Variants in CACNG4 observed in about 807,000 individuals in gnomAD.
CACNG4 encodes calcium voltage-gated channel auxiliary subunit gamma 4.
In CACNG4, 8 loss-of-function variants were observed where a neutral mutation model predicts 22.9. The ratio of observed to expected loss-of-function variants is 0.35; its 90% CI spans 0.21 to 0.63. The LOEUF (loss-of-function observed/expected upper bound fraction) is 0.63, where lower values mean the gene tolerates loss of function less well. Among genes scored for constraint, CACNG4 ranks in the 30% least tolerant of loss-of-function variants. CACNG4 has a pLI of 0.72. For missense variants in CACNG4, 357 were observed against 455.4 expected (o/e 0.78, Z 1.97); for synonymous variants, 188 against 191.9 (o/e 0.98, Z 0.17).
At chr17:67,009,049 G>T (rs2035453272) in intron 1 of CACNG4, among the ~76,000 whole-genome samples, 1 of 152,136 alleles carries the variant, frequency 6.6e-6, no homozygotes, top group Admixed American at 6.5e-5. Flanking sequence ...CACACAGAGA[G>T]AATATGATAT....
At chr17:67,022,151 C>A (rs545760898) in intron 2 of CACNG4, among the ~76,000 whole-genome samples, 1 of 151,598 alleles carries the variant, frequency 6.6e-6, no homozygotes, top group Non-Finnish European at 1.5e-5. Context: ...TCTTGGCTCA[C>A]TGTAACCTCT....
intron 1 of CACNG4, among the ~76,000 whole-genome samples, chr17:66,996,633 G>A (rs1461205444): frequency 1.3e-5 from 2 of 152,044 alleles, no homozygotes; most frequent in South Asian, 2.1e-4. Flanking sequence ...TGCCTGCCTC[G>A]GCCTCCCAAA....
intron 1 of CACNG4, among the ~76,000 whole-genome samples, chr17:67,003,527 A>T (rs2035420568): frequency 1.3e-5 from 2 of 152,190 alleles, no homozygotes; most frequent in African/African-American, 4.8e-5. Context: ...AGTTCTGTGC[A>T]GGACATTTAT....
chr17:67,029,771 G>C (rs1380346313), intron 3 of CACNG4, among the ~76,000 whole-genome samples: 1 of 152,240 alleles, frequency 6.6e-6, no homozygotes. Flanking sequence ...TGGATGAGGA[G>C]TATATGAAAC....
intron 1 of CACNG4, among the ~76,000 whole-genome samples, chr17:67,010,489 T>C (rs1001553350): frequency 4.6e-5 from 7 of 152,198 alleles, no homozygotes; most frequent in African/African-American, 1.7e-4. Flanking sequence ...ACAAAGGGTG[T>C]TAGCCTGTCT....
intron 1 of CACNG4, among the ~76,000 whole-genome samples, chr17:67,012,782 T>TGGTC (rs1268873351): frequency 6.6e-6 from 1 of 152,138 alleles, no homozygotes; most frequent in Non-Finnish European, 1.5e-5. Context: ...TGCACAGAGC[T>TGGTC]GGTCGCTCGC....
chr17:67,002,618 T>TCTCTCTCTCTCTC (rs2035414760), intron 1 of CACNG4, among the ~76,000 whole-genome samples: 1 of 145,428 alleles, frequency 6.9e-6, no homozygotes, highest in South Asian at 2.2e-4. Context: ...ATCTCTCTCT[T>TCTCTCTCTCTCTC]TCTCTCTCTC....
chr17:66,964,753 C>G lies in CACNG4; in HGVS notation c.-159C>G, dbSNP rs1345193485. Reference sequence around the variant, plus strand: ...TTTGAGCCCCAGCGCTGCCGGAGCGCAGGCACGCCCGGGGCGCGGGGTCGG... The same window carrying G: ...TTTGAGCCCCAGCGCTGCCGGAGCGGAGGCACGCCCGGGGCGCGGGGTCGG... On this transcript the variant is annotated 5_prime_UTR_variant, in exon 1 of 4. Coordinates refer to ENST00000262138, the MANE Select transcript of CACNG4 (RefSeq NM_014405.4). Among the ~76,000 whole-genome samples the G allele has an allele frequency of 1.4e-5, 2 of 145,306 alleles. No individual in the cohort carries two copies. The highest frequency in any genetic ancestry group is 4.9e-5 in the African/African-American group (2 of 40,536).
At chr17:66,978,405 G>A (rs922421563) in intron 1 of CACNG4, among the ~76,000 whole-genome samples, 7 of 152,150 alleles carry the variant, frequency 4.6e-5, no homozygotes, top group African/African-American at 1.7e-4. Context: ...GGGACCCAGA[G>A]TGAAGATGGG....
chr17:67,000,343 C>T (rs1288058053), intron 1 of CACNG4, among the ~76,000 whole-genome samples: 3 of 152,170 alleles, frequency 2.0e-5, no homozygotes, highest in Non-Finnish European at 4.4e-5. Context: ...TGTCCCAGCC[C>T]ACCAAGCCCC....
intron 3 of CACNG4, among the ~76,000 whole-genome samples, chr17:67,026,795 ATG>A (rs2035570633): frequency 6.6e-6 from 1 of 151,634 alleles, no homozygotes; most frequent in Non-Finnish European, 1.5e-5. Context: ...GTGTGTGCAC[ATG>A]TGTGTGTGTT....
intron 1 of CACNG4, among the ~76,000 whole-genome samples, chr17:66,993,239 A>G (rs1303643183): frequency 1.3e-5 from 2 of 152,252 alleles, no homozygotes; most frequent in Non-Finnish European, 2.9e-5. Flanking sequence ...GAGGTTTTCC[A>G]TCATTTATTA....
At chr17:66,982,050 C>T (rs931019889) in intron 1 of CACNG4, among the ~76,000 whole-genome samples, 5 of 152,218 alleles carry the variant, frequency 3.3e-5, no homozygotes, top group Admixed American at 6.5e-5. Flanking sequence ...GGCTCGCTGA[C>T]CTCAAGAATG....
chr17:66,980,899 G>A (rs930871345), intron 1 of CACNG4, among the ~76,000 whole-genome samples: 18 of 152,030 alleles, frequency 1.2e-4, no homozygotes, highest in Admixed American at 1.1e-3. Context: ...GATTACAGGC[G>A]TGAGCCACCG....
At chr17:67,023,803 C>T (rs2035547079) in intron 2 of CACNG4, among the ~76,000 whole-genome samples, 1 of 151,116 alleles carries the variant, frequency 6.6e-6, no homozygotes, top group Non-Finnish European at 1.5e-5. Flanking sequence ...TCTCGAACTC[C>T]TGACCTCAGG....
At chr17:66,986,073 C>G (rs1414545229) in intron 1 of CACNG4, among the ~76,000 whole-genome samples, 1 of 152,232 alleles carries the variant, frequency 6.6e-6, no homozygotes, top group Non-Finnish European at 1.5e-5. Flanking sequence ...CGGCCCTGAG[C>G]CAGCTCCTGG....
In CACNG4 at chr17:67,031,252, T is replaced by C; in HGVS notation, c.*248T>C. 4 of 650,600 alleles carry C rather than the reference T, an allele frequency of 6.1e-6. No homozygotes were observed. The highest frequency in any genetic ancestry group is 1.1e-5 in the Non-Finnish European group (4 of 354,348). The allele number at this position is 650,600 out of a possible 1,614,324, so 40.3% of individuals were successfully genotyped here. On this transcript the variant is annotated 3_prime_UTR_variant, in exon 4 of 4. Coordinates refer to ENST00000262138, the MANE Select transcript of CACNG4 (RefSeq NM_014405.4). This position sits in a 1 kb window ranked among gnomAD's most constrained non-coding sequence, Gnocchi z 4.0. Reference sequence around the variant, plus strand: ...AAAAGGGTGTTTTGATGCCTCAGGGTCTCTGAAATCTCCCGGGAAGCCCCA... The same window carrying C: ...AAAAGGGTGTTTTGATGCCTCAGGGCCTCTGAAATCTCCCGGGAAGCCCCA...
intron 1 of CACNG4, among the ~76,000 whole-genome samples, chr17:66,979,195 T>C (rs565673836): frequency 6.6e-6 from 1 of 152,356 alleles, no homozygotes; most frequent in South Asian, 2.1e-4. Flanking sequence ...CAGTGCCGCC[T>C]TCTCTTCCTC....
chr17:66,990,690 T>C (rs894673362), intron 1 of CACNG4, among the ~76,000 whole-genome samples: 28 of 136,714 alleles, frequency 2.0e-4, no homozygotes, highest in African/African-American at 6.8e-4. Flanking sequence ...ATTTTATTTA[T>C]TTATTTTTGA....
Sources: gnomAD v4.1 joint callset for allele counts (sites outside exome capture counted in the v4.1 genomes callset) on GRCh38, gnomAD v4.1.1 for gene constraint, Gnocchi (gnomAD v3.1) non-coding constraint, MANE v1.5 for transcripts, NCBI Gene and HGNC (gene_info 2026-07-23, HGNC 2026-07-21) for gene names.